The following GPC5 variants were observed in gnomAD, a reference collection of about 807,000 sequenced individuals.
GPC5 encodes glypican-5.
A neutral mutation model predicts 53.9 loss-of-function variants in GPC5; 47 were observed. The ratio of observed to expected loss-of-function variants is 0.87; its 90% CI spans 0.69 to 1.11. GPC5 has a LOEUF of 1.11. Ranked by LOEUF, GPC5 falls within the 50% of genes most tolerant of loss-of-function variation. The probability of loss-of-function intolerance (pLI) is 0.00; values close to 1 mark genes in which losing one functional copy is unlikely to be tolerated. For synonymous variants in GPC5, 286 were observed against 263.3 expected, an observed-to-expected ratio of 1.09 and a Z score of -0.84; for missense variants, 748 against 713.1, an observed-to-expected ratio of 1.05 and a Z score of -0.56.
At chr13:92,432,611 G>A (rs1055082981) in intron 7 of GPC5, among the ~76,000 whole-genome samples, 2 of 150,994 alleles carry the variant, frequency 1.3e-5, no homozygotes, top group Admixed American at 6.6e-5. Flanking sequence ...TCCTGACCTC[G>A]TGATCTGCCC....
At chr13:92,220,835 G>T (rs2042443327) in intron 7 of GPC5, among the ~76,000 whole-genome samples, 1 of 151,988 alleles carries the variant, frequency 6.6e-6, no homozygotes, top group Non-Finnish European at 1.5e-5. Flanking sequence ...ATAAAAATTG[G>T]ACACTAAAAT....
chr13:91,774,696 C>G (rs998406846), intron 5 of GPC5, among the ~76,000 whole-genome samples: 6 of 152,132 alleles, frequency 3.9e-5, no homozygotes, highest in Admixed American at 1.3e-4. Flanking sequence ...TCCTCACACC[C>G]CCTCCCTACA....
At chr13:92,196,602 TTG>T (rs1222431787) in intron 7 of GPC5, among the ~76,000 whole-genome samples, 2 of 152,220 alleles carry the variant, frequency 1.3e-5, no homozygotes, top group African/African-American at 2.4e-5. Context: ...AATTTCACTT[TTG>T]TTTGTAAAAC....
intron 2 of GPC5, among the ~76,000 whole-genome samples, chr13:91,559,863 G>T (rs187328836): frequency 1.3e-5 from 2 of 152,186 alleles, no homozygotes; most frequent in South Asian, 2.1e-4. Flanking sequence ...CAGGGTAACA[G>T]GTACAGACTA....
At chr13:92,126,433 T>G (rs1306849336) in intron 6 of GPC5, among the ~76,000 whole-genome samples, 1 of 152,196 alleles carries the variant, frequency 6.6e-6, no homozygotes, top group East Asian at 1.9e-4. Context: ...TTAAGTTTGT[T>G]GAAGTAGTGA....
chr13:92,598,500 T>C (rs1225598937), intron 7 of GPC5, among the ~76,000 whole-genome samples: 2 of 152,140 alleles, frequency 1.3e-5, no homozygotes, highest in Admixed American at 1.3e-4. Flanking sequence ...ATTATGAAGA[T>C]TTTTGTTGCT....
At chr13:91,649,572 C>T (rs1262454658) in intron 2 of GPC5, among the ~76,000 whole-genome samples, 1 of 152,194 alleles carries the variant, frequency 6.6e-6, no homozygotes, top group African/African-American at 2.4e-5. Context: ...CTGGATTATG[C>T]TGAAAACTGC....
At chr13:91,923,006 G>A (rs541044936) in intron 6 of GPC5, among the ~76,000 whole-genome samples, 9 of 152,074 alleles carry the variant, frequency 5.9e-5, no homozygotes, top group Non-Finnish European at 7.4e-5. Flanking sequence ...AAGGCTTTCC[G>A]GTAAACCAGA....
intron 2 of GPC5, among the ~76,000 whole-genome samples, chr13:91,545,154 C>G (rs2030206847): frequency 6.6e-6 from 1 of 152,122 alleles, no homozygotes; most frequent in African/African-American, 2.4e-5. Context: ...CTAAGTCCAG[C>G]CATCATTCAA....
At chr13:91,638,429 G>A (rs2034337819) in intron 2 of GPC5, among the ~76,000 whole-genome samples, 1 of 151,066 alleles carries the variant, frequency 6.6e-6, no homozygotes, top group Non-Finnish European at 1.5e-5. Context: ...GCAACGGTGT[G>A]ACCTCACCTC....
At chr13:92,717,204 T>C (rs143950754) in intron 7 of GPC5, among the ~76,000 whole-genome samples, 1 of 152,170 alleles carries the variant, frequency 6.6e-6, no homozygotes, top group African/African-American at 2.4e-5. Context: ...AACATAGCAG[T>C]GCACATTCAA....
At chr13:91,650,320 A>T (rs1364024128) in intron 2 of GPC5, among the ~76,000 whole-genome samples, 1 of 152,140 alleles carries the variant, frequency 6.6e-6, no homozygotes, top group East Asian at 1.9e-4. Context: ...TCTGTTATTC[A>T]TCTTTATAGT....
chr13:91,500,962 T>C (rs1009917299), intron 2 of GPC5, among the ~76,000 whole-genome samples: 2 of 152,178 alleles, frequency 1.3e-5, no homozygotes, highest in African/African-American at 4.8e-5. Context: ...TTCTCTCTTG[T>C]CTACTGCCAT....
At chr13:91,886,098 T>G (rs2039319059) in intron 5 of GPC5, among the ~76,000 whole-genome samples, 1 of 152,118 alleles carries the variant, frequency 6.6e-6, no homozygotes, top group South Asian at 2.1e-4. Flanking sequence ...CTGGGTAATT[T>G]ATAAAGAAAA....
At chr13:91,867,571 T>C (rs918815140) in intron 5 of GPC5, among the ~76,000 whole-genome samples, 2 of 152,196 alleles carry the variant, frequency 1.3e-5, no homozygotes, top group African/African-American at 4.8e-5. Flanking sequence ...AAGTGTAAAG[T>C]GTGGTTTTCA....
At chr13:91,566,573 C>A (rs1031723089) in intron 2 of GPC5, among the ~76,000 whole-genome samples, 1 of 151,938 alleles carries the variant, frequency 6.6e-6, no homozygotes, top group Non-Finnish European at 1.5e-5. Flanking sequence ...AAAACAAAAA[C>A]AAAAAAATTT....
intron 6 of GPC5, among the ~76,000 whole-genome samples, chr13:91,925,755 A>G (rs542942478): frequency 1.3e-5 from 2 of 152,288 alleles, no homozygotes; most frequent in South Asian, 2.1e-4. Context: ...CTCTATAATA[A>G]AAAGGAAAAA....
intron 7 of GPC5, among the ~76,000 whole-genome samples, chr13:92,164,614 C>T (rs968195138): frequency 3.3e-5 from 5 of 152,164 alleles, no homozygotes; most frequent in African/African-American, 9.6e-5. Flanking sequence ...GTGTCTGTGG[C>T]TTTTCCAGGC....
intron 7 of GPC5, among the ~76,000 whole-genome samples, chr13:92,390,997 TA>T (rs1438973340): frequency 6.6e-6 from 1 of 152,138 alleles, no homozygotes; most frequent in Non-Finnish European, 1.5e-5. Flanking sequence ...AATGTAGAGA[TA>T]AAATTATGAA....
Sources: gnomAD v4.1 joint callset for allele counts (sites outside exome capture counted in the v4.1 genomes callset) on GRCh38, gnomAD v4.1.1 for gene constraint, MANE v1.5 for transcripts, NCBI Gene and HGNC (gene_info 2026-07-23, HGNC 2026-07-21) for gene names.